Variants in ADAMTS16 observed in about 807,000 individuals in gnomAD.
ADAMTS16 encodes ADAM metallopeptidase with thrombospondin type 1 motif 16.
ADAMTS16 carries 94 observed loss-of-function variants against 145.8 expected under a neutral mutation model. The ratio of observed to expected loss-of-function variants is 0.64; its 90% CI spans 0.55 to 0.77. The LOEUF (loss-of-function observed/expected upper bound fraction) is 0.77. Ranked by LOEUF, ADAMTS16 falls within the 30% of genes least tolerant of loss-of-function variation. ADAMTS16 has a pLI of 0.00. For synonymous variants in ADAMTS16, 659 were observed against 604.3 expected (o/e 1.09, Z -1.33); for missense variants, 1,585 against 1,591.5 (o/e 1.00, Z 0.07).
At chr5:5,231,710 A>G (rs1445131522) in intron 11 of ADAMTS16, among the ~76,000 whole-genome samples, 1 of 152,208 alleles carries the variant, frequency 6.6e-6, no homozygotes, top group Non-Finnish European at 1.5e-5. Flanking sequence ...TGAATTTGCC[A>G]TGCGGAATTT....
chr5:5,277,013 G>A (rs1042654880), intron 18 of ADAMTS16, among the ~76,000 whole-genome samples: 2 of 152,200 alleles, frequency 1.3e-5, no homozygotes, highest in Non-Finnish European at 2.9e-5. Context: ...GCGAAACATT[G>A]CAGTCTTTTA....
At chr5:5,229,823 A>C (rs2913618) in intron 11 of ADAMTS16, among the ~76,000 whole-genome samples, 115,074 of 152,078 alleles carry the variant, frequency 0.76, 44,036 homozygotes, top group African/African-American at 0.88. Flanking sequence ...AGTCATGAAA[A>C]AGAAAAAAGA....
chr5:5,231,290 G>C (rs995876948), intron 11 of ADAMTS16, among the ~76,000 whole-genome samples: 2 of 152,194 alleles, frequency 1.3e-5, no homozygotes, highest in Non-Finnish European at 2.9e-5. Context: ...AAATGGAATT[G>C]TTCTTACTTA....
chr5:5,183,009 C>T (rs1007257153), intron 4 of ADAMTS16, among the ~76,000 whole-genome samples: 1 of 152,176 alleles, frequency 6.6e-6, no homozygotes, highest in Non-Finnish European at 1.5e-5. Flanking sequence ...CTGCTTCACC[C>T]AGCACCCTGA....
intron 11 of ADAMTS16, among the ~76,000 whole-genome samples, chr5:5,229,797 A>G (rs1336597365): frequency 2.0e-5 from 3 of 152,190 alleles, no homozygotes; most frequent in Non-Finnish European, 2.9e-5. Context: ...TTTTTCTTAA[A>G]AGAAGTAATC....
At chr5:5,256,153 A>G (rs373093183) in intron 17 of ADAMTS16, among the ~76,000 whole-genome samples, 1 of 152,296 alleles carries the variant, frequency 6.6e-6, no homozygotes, top group East Asian at 1.9e-4. Flanking sequence ...ATCCATCAGC[A>G]TTCTCAACTG....
intron 17 of ADAMTS16, among the ~76,000 whole-genome samples, chr5:5,251,010 G>A (rs769362308): frequency 2.8e-4 from 42 of 152,056 alleles, no homozygotes; most frequent in Admixed American, 2.0e-4. Context: ...CAGAGCAGTC[G>A]GGGCCTCCTC....
chr5:5,286,852 C>A (rs1412082978), intron 18 of ADAMTS16, among the ~76,000 whole-genome samples: 2 of 111,994 alleles, frequency 1.8e-5, no homozygotes, highest in African/African-American at 7.6e-5. Context: ...AGCAAGACTC[C>A]GTCTCAAAAA....
At chr5:5,313,062 T>C (rs1352374742) in intron 21 of ADAMTS16, among the ~76,000 whole-genome samples, 1 of 152,242 alleles carries the variant, frequency 6.6e-6, no homozygotes, top group East Asian at 1.9e-4. Context: ...CTAAACTGTA[T>C]CTTCAATAGC....
chr5:5,169,053 T>C (rs1282776658), intron 3 of ADAMTS16, among the ~76,000 whole-genome samples: 1 of 152,012 alleles, frequency 6.6e-6, no homozygotes, highest in Non-Finnish European at 1.5e-5. Flanking sequence ...GTTTTGGGAT[T>C]TGATTTCTCA....
At chr5:5,168,270 G>T (rs561444638) in intron 3 of ADAMTS16, among the ~76,000 whole-genome samples, 1 of 150,356 alleles carries the variant, frequency 6.7e-6, no homozygotes, top group Non-Finnish European at 1.5e-5. Flanking sequence ...GTCCATTTTG[G>T]TGTAAAAATT....
chr5:5,151,609 G>GCACACA (rs1164833690), intron 3 of ADAMTS16, among the ~76,000 whole-genome samples: 33 of 140,204 alleles, frequency 2.4e-4, no homozygotes, highest in Non-Finnish European at 7.8e-5. Flanking sequence ...ACACACACAC[G>GCACACA]CACACACACA....
chr5:5,305,996 T>C (rs950835706), intron 20 of ADAMTS16, among the ~76,000 whole-genome samples: 1 of 152,178 alleles, frequency 6.6e-6, no homozygotes, highest in Non-Finnish European at 1.5e-5. Flanking sequence ...GAGCCTGCCT[T>C]AGTGGAGAGC....
Position 5,226,821 on chromosome 5 carries a change from AG to A in ADAMTS16, c.1701+3939del, listed in dbSNP as rs1264796183. On this transcript the variant is annotated intron_variant, in intron 11 of 22. Transcript: ENST00000274181. ...CATTTCATCCTCAAAACAGCCCTAC[AG>A]GTGAGCCTAGTGCAGTCCCCATTGG... Among the ~76,000 whole-genome samples, 9 of 152,228 alleles carry A rather than the reference AG, an allele frequency of 5.9e-5. No individual in the cohort carries two copies. In the South Asian group the frequency reaches 1.2e-3, roughly 21 times the overall value.
chr5:5,234,085 T>C (rs1737020794), intron 12 of ADAMTS16, among the ~76,000 whole-genome samples: 2 of 152,232 alleles, frequency 1.3e-5, no homozygotes, highest in South Asian at 4.1e-4. Context: ...GTTTAAGATG[T>C]GTCACTTGGC....
chr5:5,288,207 A>G (rs187340463), intron 18 of ADAMTS16, among the ~76,000 whole-genome samples: 138 of 152,338 alleles, frequency 9.1e-4, no homozygotes, highest in African/African-American at 3.0e-3. Flanking sequence ...ACGGAAGCCC[A>G]TACACAGTTG....
intron 17 of ADAMTS16, among the ~76,000 whole-genome samples, chr5:5,251,856 C>T (rs968098918): frequency 1.3e-4 from 20 of 151,482 alleles, no homozygotes; most frequent in Non-Finnish European, 7.4e-5. Context: ...GTACTCGGTG[C>T]TTTTTTTTTC....
At chr5:5,277,495 C>T (rs1738747208) in intron 18 of ADAMTS16, among the ~76,000 whole-genome samples, 1 of 152,136 alleles carries the variant, frequency 6.6e-6, no homozygotes, top group Non-Finnish European at 1.5e-5. Context: ...TAAAGGAAGA[C>T]CACAGTCTCC....
chr5:5,184,178 A>AC (rs34462801), intron 4 of ADAMTS16, among the ~76,000 whole-genome samples: 1 of 151,928 alleles, frequency 6.6e-6, no homozygotes, highest in Non-Finnish European at 1.5e-5. Flanking sequence ...TCATGGACGC[A>AC]CCCCCAGGTC....
Sources: gnomAD v4.1 joint callset for allele counts (sites outside exome capture counted in the v4.1 genomes callset) on GRCh38, gnomAD v4.1.1 for gene constraint, MANE v1.5 for transcripts, NCBI Gene and HGNC (gene_info 2026-07-23, HGNC 2026-07-21) for gene names.